The following NDC80 variants were observed in gnomAD, a reference collection of about 807,000 sequenced individuals.
NDC80 encodes NDC80 kinetochore complex component, also known as kinetochore protein NDC80 homolog.
NDC80 carries 69 observed loss-of-function variants against 89.3 expected under a neutral mutation model. The ratio of observed to expected loss-of-function variants is 0.77; its 90% CI spans 0.64 to 0.94. The LOEUF is 0.94. Among genes scored for constraint, NDC80 ranks in the 40% least tolerant of loss-of-function variants. The pLI, the probability that NDC80 is intolerant of heterozygous loss-of-function variation, is 0.00. For missense variants in NDC80, 593 were observed against 739.6 expected (o/e 0.80, Z 2.30); for synonymous variants, 243 against 255.6 (o/e 0.95, Z 0.47).
At chr18:2,610,679 G>A (rs944692132) in intron 15 of NDC80, 80 bp from the exon 16 acceptor site, 1 of 837,996 alleles carries the variant, frequency 1.2e-6, no homozygotes, top group Non-Finnish European at 1.8e-6. Context: ...TTTTGAATGT[G>A]GAAATGGGAA....
chr18:2,616,593 G>GTA lies in NDC80; in HGVS notation c.*27_*28dup, dbSNP rs1394383303. 2.3e-6 allele frequency: 3 copies of GTA among 1,311,046 alleles called. No individual in the cohort carries two copies. The highest frequency in any genetic ancestry group is 3.1e-6 in the Non-Finnish European group (3 of 966,538). The allele number at this position is 1,311,046 out of a possible 1,614,324, so 81.2% of individuals were successfully genotyped here. On this transcript the variant is annotated 3_prime_UTR_variant, in exon 17 of 17. Coordinates refer to ENST00000261597, the MANE Select transcript of NDC80 (RefSeq NM_006101.3). ...AGAATGAAGATAAAATGTTGATCAT[G>GTA]TATATATATCCATAGTGAATAAAAT...
At chr18:2,576,971 C>T (rs898977916) in intron 3 of NDC80, among the ~76,000 whole-genome samples, 1 of 152,102 alleles carries the variant, frequency 6.6e-6, no homozygotes, top group African/African-American at 2.4e-5. Flanking sequence ...TGCCATGAAA[C>T]CAATTTGGTT....
rs187649956 is a variant in NDC80, at chr18:2,616,501, T to C, written c.1856T>C (p.Leu619Pro). Residue 619 changes from leucine to proline, a missense_variant, in exon 17 of 17, where the codon CTC (leucine) becomes CCC (proline). Physicochemically the swap from Leu to Pro is moderately conservative, Grantham distance 98. Coordinates refer to ENST00000261597, the MANE Select transcript of NDC80 (RefSeq NM_006101.3). ...TATGAAGAATGCATGTCAGAAGATCTCTCGGAAAATATTAAAGAGATTAGA... is the reference window on the plus strand; with the variant it reads ...TATGAAGAATGCATGTCAGAAGATCCCTCGGAAAATATTAAAGAGATTAGA... ...REYEECMSED[L>P]SENIKEIRDK... 789 of 1,527,996 alleles carry C rather than the reference T, an allele frequency of 5.2e-4. 4 individuals are homozygous for C. Among genetic ancestry groups the C allele is most frequent in the East Asian group, 1.6e-4 (7 of 43,234 alleles). The allele number at this position is 1,527,996 out of a possible 1,614,324, so 94.7% of individuals were successfully genotyped here. A position where few individuals can be genotyped will look rare whatever the true frequency, so the allele number is the denominator to read the frequency against.
At chr18:2,584,533 T>G (rs1363321046) in intron 6 of NDC80, among the ~76,000 whole-genome samples, 1 of 152,186 alleles carries the variant, frequency 6.6e-6, no homozygotes, top group African/African-American at 2.4e-5. Context: ...ATTTTCCTTT[T>G]GGCTTGTCAA....
At chr18:2,599,634 A>G (rs1241999953) in intron 12 of NDC80, among the ~76,000 whole-genome samples, 1 of 152,164 alleles carries the variant, frequency 6.6e-6, no homozygotes, top group Non-Finnish European at 1.5e-5. Flanking sequence ...AATGTATTAG[A>G]GTACTAAGAA....
rs776125950 is a variant in NDC80, at chr18:2,587,926, A to G, written c.763+3A>G. On this transcript the variant is annotated splice_donor_region_variant and intron_variant, in intron 8 of 16. Transcript: ENST00000261597. The stretch of plus-strand genomic sequence containing the variant: ...TGCAGAGCTGCAGTCAAAACTGAGT[A>G]AGTGTTCTCGTTCTTAGGGTGCTTG... 3 of 1,612,390 alleles carry G rather than the reference A, an allele frequency of 1.9e-6. No homozygotes were observed. The highest frequency in any genetic ancestry group is 1.7e-5 in the Admixed American group (1 of 60,012).
At chr18:2,584,411 T>C (rs952208) in intron 6 of NDC80, among the ~76,000 whole-genome samples, 61,237 of 151,454 alleles carry the variant, frequency 0.4, 13,917 homozygotes, top group African/African-American at 0.61. Context: ...ATATTTATAG[T>C]AATTTCATTT....
chr18:2,614,603 A>G lies in NDC80; in HGVS notation c.1792-1834A>G, dbSNP rs1460087449. 3 of 5,842 alleles carry G rather than the reference A, an allele frequency of 5.1e-4. 1 individual carries two copies. The highest frequency in any genetic ancestry group is 1.4e-3 in the African/African-American group (2 of 1,398). 0.4% of individuals were successfully genotyped at this position (5,842 alleles called of 1,614,324 possible). A position where few individuals can be genotyped will look rare whatever the true frequency, so the allele number is the denominator to read the frequency against. On this transcript the variant is annotated intron_variant, in intron 16 of 16. Transcript: ENST00000261597. The stretch of plus-strand genomic sequence containing the variant: ...AAAGAAAGAAAGAAAGAAAGAAAGA[A>G]AGAAAGAAAGAAAGAAAGAAAGAAA...
At chr18:2,595,386 C>A (rs1358622158) in intron 10 of NDC80, 30 bp from the exon 11 acceptor site, 14 of 1,542,410 alleles carry the variant, frequency 9.1e-6, no homozygotes, top group Non-Finnish European at 1.2e-5. Flanking sequence ...ATTGAAGATA[C>A]ATTAAAAATT....
intron 10 of NDC80, among the ~76,000 whole-genome samples, chr18:2,591,172 T>A (rs964111973): frequency 1.3e-5 from 2 of 152,160 alleles, no homozygotes; most frequent in African/African-American, 2.4e-5. Context: ...GTACTACAGT[T>A]CTCGGGGAAA....
At position 2,595,358 on chromosome 18, in the gene NDC80, A is replaced by G. The variant is rs149212931; in HGVS notation, c.1016-58A>G. 3.7e-4 allele frequency: 456 copies of G among 1,247,082 alleles called. 1 individual carries two copies. In the African/African-American group the frequency reaches 6.0e-3, roughly 16 times the overall value. 77.3% of individuals were successfully genotyped at this position (1,247,082 alleles called of 1,614,324 possible). A position where few individuals can be genotyped will look rare whatever the true frequency, so the allele number is the denominator to read the frequency against. On this transcript the variant is annotated intron_variant, in intron 10 of 16. Coordinates refer to ENST00000261597, the MANE Select transcript of NDC80 (RefSeq NM_006101.3). ...TATCTTAGCTCTATTACATGATGGC[A>G]TCTGTTTCTTTGTAGGAATTGAAGA...
At position 2,606,502 on chromosome 18, in the gene NDC80, A is replaced by G; in HGVS notation, c.1552A>G (p.Ile518Val). The change falls in exon 14 of 17, where the codon ATT becomes GTT. Residue 518 changes from isoleucine (I) to valine (V), a missense_variant. By Grantham distance (29) the Ile-to-Val change is conservative. Transcript: ENST00000261597. ...QKLDDLYQQK[I>V]KEAEEEDEKC... Reference sequence around the variant, plus strand: ...GCTGGATGATCTTTACCAACAAAAAATTAAGGTAAGAACTTTGCCACAGTT... The same window carrying G: ...GCTGGATGATCTTTACCAACAAAAAGTTAAGGTAAGAACTTTGCCACAGTT... 1 of 1,598,766 alleles carries G rather than the reference A, an allele frequency of 6.3e-7. No homozygotes were observed. The highest frequency in any genetic ancestry group is 8.5e-7 in the Non-Finnish European group (1 of 1,171,598).
At chr18:2,585,802 T>G (rs950877073) in intron 7 of NDC80, among the ~76,000 whole-genome samples, 18 of 152,320 alleles carry the variant, frequency 1.2e-4, no homozygotes, top group Middle Eastern at 6.8e-3. Flanking sequence ...TCATAACATG[T>G]TATATGTTAT....
chr18:2,586,215 G>C (rs954326609), intron 7 of NDC80, among the ~76,000 whole-genome samples: 2 of 152,140 alleles, frequency 1.3e-5, no homozygotes, highest in Non-Finnish European at 2.9e-5. Context: ...GTAGTTCAAA[G>C]ATACATCAAC....
At chr18:2,602,915 A>G (rs1253288277) in intron 13 of NDC80, among the ~76,000 whole-genome samples, 1 of 152,190 alleles carries the variant, frequency 6.6e-6, no homozygotes, top group Non-Finnish European at 1.5e-5. Context: ...GGTTTAGGAA[A>G]TGTTAAGGAG....
At chr18:2,572,693 T>C (rs916889727) in intron 1 of NDC80, among the ~76,000 whole-genome samples, 2 of 152,200 alleles carry the variant, frequency 1.3e-5, no homozygotes, top group African/African-American at 4.8e-5. Flanking sequence ...AAACCGTAAC[T>C]TACTCGTCTT....
rs770714212 is a variant in NDC80, at chr18:2,595,628, C to T, written c.1221+7C>T. ...TGCCAGAGGCAAAGAAGCGGTATGTCATACCATTTCCAGAGTGGCAACTCA... is the reference window on the plus strand; with the variant it reads ...TGCCAGAGGCAAAGAAGCGGTATGTTATACCATTTCCAGAGTGGCAACTCA... On this transcript the variant is annotated splice_region_variant and intron_variant, in intron 11 of 16. Transcript: ENST00000261597. 6.2e-7 allele frequency: 1 copy of T among 1,611,148 alleles called. No individual in the cohort carries two copies. Among genetic ancestry groups the T allele is most frequent in the East Asian group, 2.2e-5 (1 of 44,796 alleles).
chr18:2,577,777 CT>C lies in NDC80; in HGVS notation c.213del (p.Gly72ValfsTer43). 6.2e-7 allele frequency: 1 copy of C among 1,614,044 alleles called. No homozygotes were observed. The highest frequency in any genetic ancestry group is 2.2e-5 in the East Asian group (1 of 44,864). ...TGGACATGGATCCCGGAATAGTCAACTTGGTATATTTTCCAGTTCTGAGAAA... is the reference window on the plus strand; with the variant it reads ...TGGACATGGATCCCGGAATAGTCAACTGGTATATTTTCCAGTTCTGAGAAA... ...TSGHGSRNSQ[L>X]GIFSSSEKIK... On this transcript the variant is annotated frameshift_variant, in exon 4 of 17. Coordinates refer to ENST00000261597, the MANE Select transcript of NDC80 (RefSeq NM_006101.3). LOFTEE classifies it high-confidence loss of function.
intron 14 of NDC80, 62 bp from the exon 15 acceptor site, chr18:2,608,638 C>A (rs751191609): frequency 7.6e-5 from 110 of 1,448,254 alleles, no homozygotes; most frequent in Non-Finnish European, 9.5e-5. Flanking sequence ...TGTTTTAAAT[C>A]CACCTAGAGT....
Sources: gnomAD v4.1 joint callset for allele counts (sites outside exome capture counted in the v4.1 genomes callset) on GRCh38, gnomAD v4.1.1 for gene constraint, MANE v1.5 for transcripts, NCBI Gene and HGNC (gene_info 2026-07-23, HGNC 2026-07-21) for gene names.